MS4A14: variants seen among roughly 807,000 people sequenced by gnomAD.
The protein encoded by MS4A14 is membrane-spanning 4-domains subfamily A member 14.
In MS4A14, 18 loss-of-function variants were observed where a neutral mutation model predicts 16.7. The ratio of observed to expected loss-of-function variants is 1.08; its 90% CI spans 0.75 to 1.60. The LOEUF (loss-of-function observed/expected upper bound fraction) is 1.60, where lower values mean the gene tolerates loss of function less well. Ranked by LOEUF, MS4A14 falls within the 40% of genes most tolerant of loss-of-function variation. The pLI is 0.00. For missense variants in MS4A14, 812 were observed against 775.3 expected (o/e 1.05, Z -0.56); for synonymous variants, 305 against 289.4 (o/e 1.05, Z -0.55).
rs373220783 is a variant in MS4A14, at chr11:60,416,264, C to T, written c.1296C>T (p.His432=). 1.6e-5 allele frequency: 26 copies of T among 1,613,888 alleles called. No individual in the cohort carries two copies. The highest frequency in any genetic ancestry group is 2.2e-5 in the Non-Finnish European group (26 of 1,179,972). ...TTGTGCAGTTCCCTGAAATACAACA[C>T]CTACTTCAGCAGCCCCCAGATCTTC... ...SHIVQFPEIQ[H]LLQQPPDLQP... is the part of the protein sequence containing the mutation. Residue 432 remains histidine, a synonymous_variant, in exon 5 of 5, where the codon CAC becomes CAT. Transcript: ENST00000300187.
At chr11:60,399,554 A>G (rs1403643110) in intron 2 of MS4A14, among the ~76,000 whole-genome samples, 1 of 152,212 alleles carries the variant, frequency 6.6e-6, no homozygotes, top group African/African-American at 2.4e-5. Flanking sequence ...ACACTTGAAG[A>G]CTTGTTGAAG....
intron 3 of MS4A14, among the ~76,000 whole-genome samples, chr11:60,401,175 T>C (rs546315429): frequency 6.6e-6 from 1 of 152,326 alleles, no homozygotes; most frequent in East Asian, 1.9e-4. Flanking sequence ...AAAGGCAAGA[T>C]GATGCTTAAA....
At chr11:60,407,993 T>C (rs2085812586) in intron 4 of MS4A14, among the ~76,000 whole-genome samples, 1 of 152,240 alleles carries the variant, frequency 6.6e-6, no homozygotes, top group South Asian at 2.1e-4. Flanking sequence ...CTTCTATCTT[T>C]TCCTACAGAA....
intron 4 of MS4A14, among the ~76,000 whole-genome samples, chr11:60,410,860 T>A (rs553693475): frequency 1.4e-4 from 22 of 152,242 alleles, no homozygotes; most frequent in Non-Finnish European, 2.9e-4. Context: ...TTTTGTTTTT[T>A]GTTTTGATGG....
chr11:60,404,363 T>C (rs1233561276), intron 4 of MS4A14, among the ~76,000 whole-genome samples: 2 of 152,208 alleles, frequency 1.3e-5, no homozygotes, highest in Non-Finnish European at 2.9e-5. Flanking sequence ...TCTCTTGGGC[T>C]GACCCCTGTC....
chr11:60,410,333 T>G (rs1266655538), intron 4 of MS4A14, among the ~76,000 whole-genome samples: 1 of 152,232 alleles, frequency 6.6e-6, no homozygotes, highest in African/African-American at 2.4e-5. Flanking sequence ...ATTGTAGAGT[T>G]CTTTATATAT....
intron 3 of MS4A14, 120 bp downstream of exon 3, chr11:60,400,574 G>T: frequency 1.7e-6 from 1 of 585,940 alleles, no homozygotes; most frequent in Non-Finnish European, 3.0e-6. Flanking sequence ...CAAAGTTGCA[G>T]TTCAGATCAT....
chr11:60,410,101 C>T (rs911551581), intron 4 of MS4A14, among the ~76,000 whole-genome samples: 16 of 152,168 alleles, frequency 1.1e-4, no homozygotes, highest in African/African-American at 3.6e-4. Flanking sequence ...TTAAGCCATC[C>T]TTCCACCTTG....
At chr11:60,410,855 T>G (rs113747510) in intron 4 of MS4A14, among the ~76,000 whole-genome samples, 9,590 of 152,184 alleles carry the variant, frequency 0.063, 347 homozygotes, top group South Asian at 0.19. Context: ...TTGTTTTTTG[T>G]TTTTTGTTTT....
intron 4 of MS4A14, among the ~76,000 whole-genome samples, chr11:60,405,653 A>C (rs911060780): frequency 3.3e-5 from 5 of 151,680 alleles, no homozygotes; most frequent in Non-Finnish European, 5.9e-5. Context: ...ATTACTCTCT[A>C]CTCTTTCCCT....
rs868142042 is a variant in MS4A14, at chr11:60,416,108, G to A, written c.1140G>A (p.Met380Ile). 4 of 1,608,946 alleles carry A rather than the reference G, an allele frequency of 2.5e-6. No individual in the cohort carries two copies. The African/African-American group carries it at 5.4e-5, about 22-fold the overall frequency. Residue 380 changes from methionine to isoleucine, a missense_variant, in exon 5 of 5, where the codon ATG becomes ATA. Met to Ile is a conservative substitution (Grantham distance 10). Coordinates refer to ENST00000300187, the MANE Select transcript of MS4A14 (RefSeq NM_032597.5). ...TTCATGACATGACATCCCAAGATAT[G>A]CAATCCCTAGATATGCTATCTCAAG... Reference protein sequence around the residue: ...MLFHDMTSQDMQSLDMLSQDT... With the variant: ...MLFHDMTSQDIQSLDMLSQDT...
chr11:60,415,459 A>T lies in MS4A14; in HGVS notation c.491A>T (p.Asp164Val), dbSNP rs1260722667. ...TAGGTTCTGTTTTTCTTGCCTTCGG[A>T]TGTTACTCAAAATAGTGAACAACCT... is the stretch of plus-strand genomic sequence containing the variant. The part of the protein sequence containing the change: ...LFIVLFFLPS[D>V]VTQNSEQPAP... Residue 164 changes from aspartate (D) to valine (V), a missense_variant, in exon 5 of 5, where the codon GAT becomes GTT. Asp to Val is a radical substitution (Grantham distance 152). Transcript: ENST00000300187. 7.5e-6 allele frequency: 12 copies of T among 1,610,330 alleles called. No homozygotes were observed. The East Asian group carries it at 1.3e-4, about 18-fold the overall frequency.
At position 60,396,713 on chromosome 11, in the gene MS4A14, G is replaced by A. The variant is rs1206876911; in HGVS notation, c.135G>A (p.Leu45=). ...TTCTGAAGGGAGAGCCAAGAGTCTTGGGGGTAAGTCCTCTCCAGTCAATAG... is the reference window on the plus strand; with the variant it reads ...TTCTGAAGGGAGAGCCAAGAGTCTTAGGGGTAAGTCCTCTCCAGTCAATAG... ...LDFLKGEPRV[L]GATQILLALI... is the part of the protein sequence containing the mutation. Residue 45 remains leucine (L), a synonymous_variant, in exon 1 of 5, where the codon TTG becomes TTA. Coordinates refer to ENST00000300187, the MANE Select transcript of MS4A14 (RefSeq NM_032597.5). The A allele has an allele frequency of 3.1e-6, 5 of 1,613,504 alleles. No individual in the cohort carries two copies. Among genetic ancestry groups the A allele is most frequent in the Non-Finnish European group, 4.2e-6 (5 of 1,179,718 alleles).
chr11:60,405,886 C>T (rs747833082), intron 4 of MS4A14: 90 of 1,523,364 alleles, frequency 5.9e-5, no homozygotes, highest in African/African-American at 1.5e-4. Context: ...TCATTATTTG[C>T]AGGGAATTTT....
rs2135157685 is a variant in MS4A14 at position 60,416,379 on chromosome 11, T to A, written c.1411T>A (p.Trp471Arg). 1 of 1,613,964 alleles carries A rather than the reference T, an allele frequency of 6.2e-7. No individual in the cohort carries two copies. The highest frequency in any genetic ancestry group is 8.5e-7 in the Non-Finnish European group (1 of 1,179,948). ...AGAAGTTATGGAAGAGACCAAAGAA[T>A]GGAAATCTGAGGAGGAACTCCATAG... ...RSEVMEETKE[W>R]KSEEELHRRK... is the part of the protein sequence containing the mutation. The change falls in exon 5 of 5, where the codon TGG (tryptophan) becomes AGG (arginine). Residue 471 changes from tryptophan (W) to arginine (R), a missense_variant. Transcript: ENST00000300187.
chr11:60,411,685 T>C (rs2085872759), intron 4 of MS4A14, among the ~76,000 whole-genome samples: 1 of 152,204 alleles, frequency 6.6e-6, no homozygotes. Flanking sequence ...GGATTTTCTA[T>C]ATAGGAAGAT....
chr11:60,415,930 C>T lies in MS4A14; in HGVS notation c.962C>T (p.Pro321Leu). 1.2e-6 allele frequency: 2 copies of T among 1,613,984 alleles called. No individual in the cohort carries two copies. The highest frequency in any genetic ancestry group is 1.3e-5 in the African/African-American group (1 of 75,032). The change falls in exon 5 of 5, where the codon CCA becomes CTA. Residue 321 changes from proline to leucine, a missense_variant. Transcript: ENST00000300187. Reference protein sequence around the residue: ...KLEDISPEDLPSQALPVEGLS... With the variant: ...KLEDISPEDLLSQALPVEGLS... ...GAAGATATATCACCTGAAGACTTGC[C>T]ATCCCAAGCTCTACCAGTAGAAGGC...
chr11:60,404,964 T>C (rs762359535), intron 4 of MS4A14, among the ~76,000 whole-genome samples: 7 of 152,246 alleles, frequency 4.6e-5, no homozygotes, highest in Non-Finnish European at 1.0e-4. Context: ...AGGGTCTTCA[T>C]ACATTTCAGT....
intron 4 of MS4A14, among the ~76,000 whole-genome samples, chr11:60,411,567 TTA>T (rs988895075): frequency 6.6e-6 from 1 of 152,204 alleles, no homozygotes; most frequent in African/African-American, 2.4e-5. Flanking sequence ...TTCATATTGT[TTA>T]TTGCTGTTAT....
Sources: allele counts gnomAD v4.1 joint callset (sites outside exome capture counted in the v4.1 genomes callset), GRCh38; gene constraint gnomAD v4.1.1; transcripts MANE v1.5; gene names NCBI Gene and HGNC (gene_info 2026-07-23, HGNC 2026-07-21).